UBASH3B: variants seen among roughly 807,000 people sequenced by gnomAD.
UBASH3B encodes ubiquitin-associated and SH3 domain-containing protein B.
A neutral mutation model predicts 83.4 loss-of-function variants in UBASH3B; 37 were observed. That is an observed-to-expected ratio of 0.44 (90% confidence interval 0.34 to 0.58). The LOEUF (loss-of-function observed/expected upper bound fraction) is 0.58. Among genes scored for constraint, UBASH3B ranks in the 20% least tolerant of loss-of-function variants. The pLI is 0.01. For missense variants in UBASH3B, 657 were observed against 827.2 expected (o/e 0.79, Z 2.52); for synonymous variants, 304 against 318.3 (o/e 0.96, Z 0.48).
At chr11:122,701,817 G>A (rs1294867443) in intron 1 of UBASH3B, among the ~76,000 whole-genome samples, 1 of 152,058 alleles carries the variant, frequency 6.6e-6, no homozygotes, top group East Asian at 1.9e-4. Flanking sequence ...GAATATATTA[G>A]CATCTTCCCT....
At chr11:122,783,256 G>T (rs540776829) in intron 5 of UBASH3B, 34 bp downstream of exon 5, 11 of 1,603,098 alleles carry the variant, frequency 6.9e-6, no homozygotes, top group Non-Finnish European at 8.5e-6. Flanking sequence ...AAGCTACCAG[G>T]TGCAGGGATG....
chr11:122,755,084 A>C (rs1385676267), intron 1 of UBASH3B, among the ~76,000 whole-genome samples: 2 of 152,142 alleles, frequency 1.3e-5, no homozygotes, highest in South Asian at 4.1e-4. Flanking sequence ...TCCCTCCACC[A>C]TGCAATGGAG....
At chr11:122,787,155 G>C (rs940756539) in intron 5 of UBASH3B, among the ~76,000 whole-genome samples, 1 of 152,146 alleles carries the variant, frequency 6.6e-6, no homozygotes, top group African/African-American at 2.4e-5. Flanking sequence ...CTGTGACTCG[G>C]TGACTTTCTC....
intron 1 of UBASH3B, among the ~76,000 whole-genome samples, chr11:122,748,386 C>T (rs1861152728): frequency 6.6e-6 from 1 of 152,180 alleles, no homozygotes; most frequent in Admixed American, 6.5e-5. Context: ...GATCAACATA[C>T]CTCCAGTCTG....
At chr11:122,662,795 C>T (rs1455605928) in intron 1 of UBASH3B, among the ~76,000 whole-genome samples, 1 of 152,118 alleles carries the variant, frequency 6.6e-6, no homozygotes, top group African/African-American at 2.4e-5. Flanking sequence ...TCATACAGTG[C>T]ATACCCTTGT....
At chr11:122,742,241 GA>G in intron 1 of UBASH3B, among the ~76,000 whole-genome samples, 3 of 152,160 alleles carry the variant, frequency 2.0e-5, no homozygotes, top group Non-Finnish European at 4.4e-5. Context: ...GGGACTTGGA[GA>G]AAAAGAGATT....
intron 3 of UBASH3B, 99 bp from the exon 4 acceptor site, chr11:122,779,398 G>T: frequency 7.5e-7 from 1 of 1,325,076 alleles, no homozygotes; most frequent in Non-Finnish European, 1.1e-6. Context: ...TGCATTATCA[G>T]CCTCCTCCAG....
At chr11:122,688,514 C>T (rs1412223431) in intron 1 of UBASH3B, among the ~76,000 whole-genome samples, 3 of 150,612 alleles carry the variant, frequency 2.0e-5, no homozygotes, top group Admixed American at 6.6e-5. Flanking sequence ...AGTGCAATCT[C>T]GGCTCACTGC....
intron 1 of UBASH3B, among the ~76,000 whole-genome samples, chr11:122,692,979 A>AT (rs1224233413): frequency 1.3e-5 from 2 of 152,100 alleles, no homozygotes. Flanking sequence ...GGGTGGTGGG[A>AT]TTATCATTAG....
At chr11:122,722,000 CTG>C (rs773266044) in intron 1 of UBASH3B, among the ~76,000 whole-genome samples, 3 of 152,216 alleles carry the variant, frequency 2.0e-5, no homozygotes, top group Non-Finnish European at 4.4e-5. Context: ...ATGTTCATAT[CTG>C]TGGTATAATG....
At chr11:122,721,268 A>G (rs1860631309) in intron 1 of UBASH3B, among the ~76,000 whole-genome samples, 1 of 145,848 alleles carries the variant, frequency 6.9e-6, no homozygotes, top group African/African-American at 2.6e-5. Flanking sequence ...AAAAAAAAAA[A>G]GAATGAATGA....
chr11:122,723,852 A>G (rs1860684399), intron 1 of UBASH3B, among the ~76,000 whole-genome samples: 1 of 152,236 alleles, frequency 6.6e-6, no homozygotes. Flanking sequence ...GGGGGTGGCT[A>G]TGGGAAACTT....
At chr11:122,728,017 T>C (rs1403965824) in intron 1 of UBASH3B, among the ~76,000 whole-genome samples, 1 of 151,862 alleles carries the variant, frequency 6.6e-6, no homozygotes, top group African/African-American at 2.4e-5. Flanking sequence ...ATTATTATTA[T>C]TTTTAGAGAT....
intron 1 of UBASH3B, among the ~76,000 whole-genome samples, chr11:122,656,853 C>T (rs1243845246): frequency 1.3e-5 from 2 of 152,242 alleles, no homozygotes; most frequent in Non-Finnish European, 2.9e-5. Context: ...GTGACGGCAG[C>T]TCAGAAATCT....
intron 1 of UBASH3B, among the ~76,000 whole-genome samples, chr11:122,658,476 T>C (rs1290045590): frequency 6.6e-6 from 1 of 152,202 alleles, no homozygotes. Context: ...GGTCTCCTAA[T>C]AGCTAGCATG....
Position 122,779,478 on chromosome 11 carries a change from T to C in UBASH3B, c.403-19T>C, listed in dbSNP as rs1350504001. 2 of 1,613,238 alleles carry C rather than the reference T, an allele frequency of 1.2e-6. No individual in the cohort carries two copies. The highest frequency in any genetic ancestry group is 1.7e-6 in the Non-Finnish European group (2 of 1,179,778). ...TCTCCCCTTGTCTCTGAGTGAAGACTGCCTGTTTTCCCTGCCAGTGCGAGG... is the reference window on the plus strand; with the variant it reads ...TCTCCCCTTGTCTCTGAGTGAAGACCGCCTGTTTTCCCTGCCAGTGCGAGG... On this transcript the variant is annotated intron_variant, in intron 3 of 13. Coordinates refer to ENST00000284273, the MANE Select transcript of UBASH3B (RefSeq NM_032873.5).
chr11:122,760,505 C>T (rs1206953900), intron 1 of UBASH3B, among the ~76,000 whole-genome samples: 1 of 152,146 alleles, frequency 6.6e-6, no homozygotes, highest in South Asian at 2.1e-4. Flanking sequence ...GGATTACAGG[C>T]ATGCACCACC....
chr11:122,713,889 A>G (rs951017254), intron 1 of UBASH3B, among the ~76,000 whole-genome samples: 4 of 152,182 alleles, frequency 2.6e-5, no homozygotes, highest in African/African-American at 9.7e-5. Context: ...CATCCAGTGC[A>G]GCCTTCCATC....
chr11:122,678,680 A>C (rs918990746), intron 1 of UBASH3B, among the ~76,000 whole-genome samples: 1 of 151,510 alleles, frequency 6.6e-6, no homozygotes, highest in African/African-American at 2.4e-5. Context: ...ATAGTCAGTC[A>C]TGGGGAGGGG....
Sources: gnomAD v4.1 joint callset for allele counts (sites outside exome capture counted in the v4.1 genomes callset) on GRCh38, gnomAD v4.1.1 for gene constraint, MANE v1.5 for transcripts, NCBI Gene and HGNC (gene_info 2026-07-23, HGNC 2026-07-21) for gene names.